The following FILIP1 variants were observed in gnomAD, a reference collection of about 807,000 sequenced individuals.
FILIP1 encodes filamin A interacting protein 1.
A neutral mutation model predicts 102.1 loss-of-function variants in FILIP1; 61 were observed. The ratio of observed to expected loss-of-function variants is 0.60; its 90% confidence interval spans 0.49 to 0.74. FILIP1 has a LOEUF of 0.74. Ranked by LOEUF, FILIP1 falls within the 30% of genes least tolerant of loss-of-function variation. FILIP1 has a pLI of 0.00. For synonymous variants in FILIP1, 491 were observed against 526.9 expected, an observed-to-expected ratio of 0.93 and a Z score of 0.93; for missense variants, 1,314 against 1,441.2, an observed-to-expected ratio of 0.91 and a Z score of 1.43.
intron 1 of FILIP1, among the ~76,000 whole-genome samples, chr6:75,427,323 T>C (rs1777660445): frequency 6.6e-6 from 1 of 152,174 alleles, no homozygotes; most frequent in Non-Finnish European, 1.5e-5. Context: ...CCCCTGACTT[T>C]TACATGTATC....
chr6:75,411,918 T>G (rs1037977540), intron 2 of FILIP1, among the ~76,000 whole-genome samples: 1 of 152,200 alleles, frequency 6.6e-6, no homozygotes, highest in Non-Finnish European at 1.5e-5. Context: ...TGGTTCCATA[T>G]GGAATTTAGA....
At chr6:75,380,406 A>C (rs969380911) in intron 2 of FILIP1, among the ~76,000 whole-genome samples, 1 of 152,146 alleles carries the variant, frequency 6.6e-6, no homozygotes, top group Non-Finnish European at 1.5e-5. Context: ...ACAACTAAAG[A>C]ATTATAAATT....
At chr6:75,482,133 A>G (rs1358453325) in intron 1 of FILIP1, among the ~76,000 whole-genome samples, 3 of 152,138 alleles carry the variant, frequency 2.0e-5, no homozygotes, top group African/African-American at 7.2e-5. Flanking sequence ...ACAATACATC[A>G]CCAGGAACAC....
chr6:75,301,755 G>C (rs773365571), intron 6 of FILIP1, among the ~76,000 whole-genome samples: 1 of 152,168 alleles, frequency 6.6e-6, no homozygotes, highest in African/African-American at 2.4e-5. Flanking sequence ...GGCCAAGGTA[G>C]GGTGATATGC....
At chr6:75,476,758 C>T (rs1382658385) in intron 1 of FILIP1, among the ~76,000 whole-genome samples, 1 of 152,162 alleles carries the variant, frequency 6.6e-6, no homozygotes, top group Non-Finnish European at 1.5e-5. Flanking sequence ...ACCATGTTCT[C>T]CCTGTTTCTG....
At chr6:75,468,531 C>T (rs1779239195) in intron 1 of FILIP1, among the ~76,000 whole-genome samples, 1 of 152,130 alleles carries the variant, frequency 6.6e-6, no homozygotes, top group Admixed American at 6.5e-5. Flanking sequence ...ACACAAAGAA[C>T]AAATTGCTGA....
chr6:75,379,294 A>G (rs1472903098), intron 2 of FILIP1, among the ~76,000 whole-genome samples: 1 of 152,230 alleles, frequency 6.6e-6, no homozygotes, highest in Non-Finnish European at 1.5e-5. Flanking sequence ...ATAGAAATAC[A>G]TATTACAAGG....
intron 1 of FILIP1, among the ~76,000 whole-genome samples, chr6:75,441,730 C>T (rs1264528333): frequency 4.1e-5 from 6 of 147,320 alleles, no homozygotes; most frequent in South Asian, 2.1e-4. Context: ...ACCTCCCTCC[C>T]GGACGGGGCG....
chr6:75,338,676 C>G (rs79907765), intron 4 of FILIP1, among the ~76,000 whole-genome samples: 2 of 152,164 alleles, frequency 1.3e-5, no homozygotes, highest in African/African-American at 4.8e-5. Flanking sequence ...ACAATATTTA[C>G]TTGTTATTTA....
At chr6:75,344,639 C>A (rs946054580) in intron 4 of FILIP1, among the ~76,000 whole-genome samples, 2 of 152,308 alleles carry the variant, frequency 1.3e-5, no homozygotes, top group East Asian at 3.9e-4. Flanking sequence ...GCACTGGAGA[C>A]CTCTGTGACC....
chr6:75,458,336 T>C (rs903067791), intron 1 of FILIP1: 1 of 152,180 alleles, frequency 6.6e-6, no homozygotes, highest in Non-Finnish European at 1.5e-5. Context: ...ATGTTGAAAT[T>C]GAGAAATCTT....
At chr6:75,347,504 A>G (rs191353007) in intron 4 of FILIP1, among the ~76,000 whole-genome samples, 1 of 152,310 alleles carries the variant, frequency 6.6e-6, no homozygotes, top group East Asian at 1.9e-4. Context: ...ACCTTTTTCT[A>G]CAGAGTGCTT....
At chr6:75,458,450 C>A (rs933794817) in intron 1 of FILIP1, among the ~76,000 whole-genome samples, 2 of 152,078 alleles carry the variant, frequency 1.3e-5, no homozygotes, top group African/African-American at 4.8e-5. Flanking sequence ...AGCCTCACAG[C>A]TAATTAATTT....
chr6:75,348,363 C>T (rs546978254), intron 4 of FILIP1, among the ~76,000 whole-genome samples: 2 of 152,082 alleles, frequency 1.3e-5, no homozygotes, highest in Admixed American at 1.3e-4. Context: ...GGAATTAATA[C>T]AATAAAAAAT....
In FILIP1 at chr6:75,312,658, A is replaced by G. The variant is rs1773245025; in HGVS notation, c.3174T>C (p.Asn1058=). The change falls in exon 5 of 6, where the codon AAT becomes AAC. Residue 1058 remains asparagine (N), a synonymous_variant. Coordinates refer to ENST00000237172, the MANE Select transcript of FILIP1 (RefSeq NM_015687.5). ...TTTTATTGTCCTCTGTGGTTATGAT[A>G]TTGGCATTGGAGTTGTATTTCCGTA... ...TPVRKYNSNA[N]IITTEDNKIH... 2.5e-6 allele frequency: 4 copies of G among 1,614,018 alleles called. No individual in the cohort carries two copies.
intron 4 of FILIP1, among the ~76,000 whole-genome samples, chr6:75,315,653 G>A (rs1406243710): frequency 6.6e-6 from 1 of 152,150 alleles, no homozygotes; most frequent in African/African-American, 2.4e-5. Context: ...AACCCTATGA[G>A]ATATGTATTG....
chr6:75,320,556 A>C (rs1167590286), intron 4 of FILIP1, among the ~76,000 whole-genome samples: 2 of 152,194 alleles, frequency 1.3e-5, no homozygotes, highest in Non-Finnish European at 2.9e-5. Flanking sequence ...CATCCCGGGC[A>C]AAAGAACAAG....
rs140979379 is a variant in FILIP1 at position 75,406,308 on chromosome 6, A to T, written c.276+8389T>A. Among the ~76,000 whole-genome samples, 402 of 152,302 alleles carry T rather than the reference A, an allele frequency of 2.6e-3. 1 individual carries two copies. The highest frequency in any genetic ancestry group is 9.3e-3 in the African/African-American group (386 of 41,564). On this transcript the variant is annotated intron_variant, in intron 2 of 5. Transcript: ENST00000237172. ...AAAGCCAGATTATTCACCAATGAAC[A>T]TGGCCCAGACTTTCTCACCCACTCT...
intron 4 of FILIP1, among the ~76,000 whole-genome samples, chr6:75,315,930 T>C (rs925549099): frequency 3.9e-5 from 6 of 152,258 alleles, no homozygotes; most frequent in African/African-American, 1.2e-4. Flanking sequence ...GGACAAAGTA[T>C]GACTGGCTTT....
Sources: gnomAD v4.1 joint callset for allele counts (sites outside exome capture counted in the v4.1 genomes callset) on GRCh38, gnomAD v4.1.1 for gene constraint, MANE v1.5 for transcripts, NCBI Gene and HGNC (gene_info 2026-07-23, HGNC 2026-07-21) for gene names.